Variants in SMAD2 observed in about 807,000 individuals in gnomAD.
SMAD2 encodes SMAD family member 2, also known as MAD homolog 2.
Under a neutral mutation model 64.4 loss-of-function variants are expected in SMAD2, and 8 were observed. The ratio of observed to expected loss-of-function variants is 0.12; its 90% CI spans 0.07 to 0.22. The LOEUF (loss-of-function observed/expected upper bound fraction) is 0.22, where lower values mean the gene tolerates loss of function less well. Ranked by LOEUF, SMAD2 falls within the 10% of genes least tolerant of loss-of-function variation. The pLI is 1.00. For synonymous variants in SMAD2, 203 were observed against 195.8 expected, an observed-to-expected ratio of 1.04 and a Z score of -0.31; for missense variants, 289 against 561.2, an observed-to-expected ratio of 0.51 and a Z score of 4.90.
intron 6 of SMAD2, among the ~76,000 whole-genome samples, chr18:47,863,285 G>A (rs2031322449): frequency 6.8e-6 from 1 of 147,936 alleles, no homozygotes; most frequent in African/African-American, 2.5e-5. Flanking sequence ...GGCATCTCAT[G>A]AATCACATAT....
rs182025139 is a variant in SMAD2 at position 47,917,124 on chromosome 18, G to A, written c.-54+13237C>T. The stretch of plus-strand genomic sequence containing the variant: ...CAACCTCTGCCTCCTGGGTTCAAGC[G>A]ATTCCCCTTACAGAATGTATCTTCT... On this transcript the variant is annotated intron_variant, in intron 1 of 10. Coordinates refer to ENST00000262160, the MANE Select transcript of SMAD2 (RefSeq NM_005901.6). Among the ~76,000 whole-genome samples, 156 of 152,284 alleles carry A rather than the reference G, an allele frequency of 1.0e-3. 2 individuals carry two copies. The highest frequency in any genetic ancestry group is 7.5e-3 in the East Asian group (39 of 5,178).
At position 47,816,091 on chromosome 18, in the gene SMAD2, T is replaced by TCC. The variant is rs1912355424; in HGVS notation, c.*25735_*25736insGG. On this transcript the variant is annotated 3_prime_UTR_variant, in exon 11 of 11. Transcript: ENST00000262160. Reference sequence around the variant, plus strand: ...AGACGGTAAACACATACCTCATGTCTTGGCTTCTAGAGCCCGGAGATAAGA... The same window carrying TCC: ...AGACGGTAAACACATACCTCATGTCTCCTGGCTTCTAGAGCCCGGAGATAAGA... 1 of 152,208 alleles carries TCC rather than the reference T, an allele frequency of 6.6e-6. No individual in the cohort carries two copies. The highest frequency in any genetic ancestry group is 2.4e-5 in the African/African-American group (1 of 41,430). The allele number at this position is 152,208 out of a possible 1,614,324, so 9.4% of individuals were successfully genotyped here.
chr18:47,863,476 C>T (rs970575769), intron 6 of SMAD2, among the ~76,000 whole-genome samples: 2 of 152,136 alleles, frequency 1.3e-5, no homozygotes, highest in Non-Finnish European at 2.9e-5. Flanking sequence ...ATAACGAATA[C>T]TTGTATTATT....
chr18:47,874,123 T>C (rs1043029884), intron 2 of SMAD2, among the ~76,000 whole-genome samples: 1 of 152,216 alleles, frequency 6.6e-6, no homozygotes, highest in Non-Finnish European at 1.5e-5. Context: ...CCCTAATGAT[T>C]GTTGCCTATT....
chr18:47,870,580 AAAAC>A lies in SMAD2; in HGVS notation c.237-20_237-17del, dbSNP rs1322845720. 1.3e-6 allele frequency: 2 copies of A among 1,552,696 alleles called. No homozygotes were observed. The highest frequency in any genetic ancestry group is 3.3e-5 in the Admixed American group (2 of 59,906). ...AGAGCAAGTGCTGTGCATAAATTGAAAAACAAAAAATTGATGTGAACATGGAAGC... is the reference window on the plus strand; with the variant it reads ...AGAGCAAGTGCTGTGCATAAATTGAAAAAAAATTGATGTGAACATGGAAGC... On this transcript the variant is annotated splice_polypyrimidine_tract_variant and intron_variant, in intron 2 of 10. Coordinates refer to ENST00000262160, the MANE Select transcript of SMAD2 (RefSeq NM_005901.6).
At position 47,841,809 on chromosome 18, in the gene SMAD2, G is replaced by T. The variant is rs1412949195; in HGVS notation, c.*18C>A. ...GTTGTTACATTAAGTCTTTTCATGG[G>T]ACTTGATTGGTGAAGCTTTATGACA... On this transcript the variant is annotated 3_prime_UTR_variant, in exon 11 of 11. Transcript: ENST00000262160. 1.2e-6 allele frequency: 2 copies of T among 1,613,838 alleles called. No homozygotes were observed.
intron 2 of SMAD2, among the ~76,000 whole-genome samples, chr18:47,883,180 T>C (rs1403297421): frequency 6.6e-6 from 1 of 152,268 alleles, no homozygotes; most frequent in Non-Finnish European, 1.5e-5. Flanking sequence ...AGGCACTCTT[T>C]CAGCTACATC....
intron 1 of SMAD2, among the ~76,000 whole-genome samples, chr18:47,910,154 A>G (rs1354613869): frequency 6.8e-6 from 1 of 146,388 alleles, no homozygotes; most frequent in African/African-American, 2.5e-5. Context: ...AGGAAATCAT[A>G]AGAGATTGTG....
chr18:47,924,759 G>A (rs1032659481), intron 1 of SMAD2, among the ~76,000 whole-genome samples: 2 of 152,122 alleles, frequency 1.3e-5, no homozygotes, highest in African/African-American at 4.8e-5. Context: ...CACTGCCTCC[G>A]GCCTCACCAC....
In SMAD2 at chr18:47,829,816, A is replaced by C. The variant is rs1360052492; in HGVS notation, c.*12011T>G. 1.3e-5 allele frequency: 2 copies of C among 152,252 alleles called. No homozygotes were observed. The highest frequency in any genetic ancestry group is 2.9e-5 in the Non-Finnish European group (2 of 68,040). 9.4% of individuals were successfully genotyped at this position (152,252 alleles called of 1,614,324 possible). The stretch of plus-strand genomic sequence containing the variant: ...TTACCAACAAATAATTTGTATGTTA[A>C]ATTTAAGCATCTGAATTCCGAAATG... On this transcript the variant is annotated 3_prime_UTR_variant, in exon 11 of 11. Transcript: ENST00000262160.
At position 47,839,879 on chromosome 18, in the gene SMAD2, G is replaced by A. The variant is rs1913774491; in HGVS notation, c.*1948C>T. On this transcript the variant is annotated 3_prime_UTR_variant, in exon 11 of 11. Transcript: ENST00000262160. ...TTAGCTCATGCATCCTTTCCTTAGAGGCTTTCCTTGATGTCCTACCTGAAG... is the reference window on the plus strand; with the variant it reads ...TTAGCTCATGCATCCTTTCCTTAGAAGCTTTCCTTGATGTCCTACCTGAAG... 1 of 233,118 alleles carries A rather than the reference G, an allele frequency of 4.3e-6. No individual in the cohort carries two copies. The highest frequency in any genetic ancestry group is 8.5e-6 in the Non-Finnish European group (1 of 118,024). 14.4% of individuals were successfully genotyped at this position (233,118 alleles called of 1,614,324 possible).
chr18:47,927,669 G>A (rs1598911212), intron 1 of SMAD2, among the ~76,000 whole-genome samples: 2 of 152,224 alleles, frequency 1.3e-5, no homozygotes, highest in East Asian at 3.8e-4. Context: ...GGAGGCCGAG[G>A]TGGGCGGATC....
At chr18:47,851,441 A>T in intron 6 of SMAD2, 114 bp from the exon 7 acceptor site, 1 of 649,546 alleles carries the variant, frequency 1.5e-6, no homozygotes, top group South Asian at 1.6e-5. Flanking sequence ...AGATAATTTA[A>T]ATACCAAGAA....
chr18:47,888,556 A>T (rs1361346108), intron 2 of SMAD2, among the ~76,000 whole-genome samples: 1 of 152,202 alleles, frequency 6.6e-6, no homozygotes, highest in Non-Finnish European at 1.5e-5. Flanking sequence ...ACAAGCTTTC[A>T]ATCAAAATCC....
At chr18:47,910,656 G>T (rs1483968083) in intron 1 of SMAD2, among the ~76,000 whole-genome samples, 1 of 152,188 alleles carries the variant, frequency 6.6e-6, no homozygotes, top group Non-Finnish European at 1.5e-5. Context: ...AAGACAATGA[G>T]GATGAAGACC....
At chr18:47,899,416 A>T (rs894574080) in intron 1 of SMAD2, among the ~76,000 whole-genome samples, 5 of 152,178 alleles carry the variant, frequency 3.3e-5, no homozygotes, top group Non-Finnish European at 7.4e-5. Flanking sequence ...AAATTCTAAG[A>T]AATACATATA....
chr18:47,895,958 A>G (rs1184090202), intron 2 of SMAD2, among the ~76,000 whole-genome samples: 1 of 152,212 alleles, frequency 6.6e-6, no homozygotes, highest in African/African-American at 2.4e-5. Context: ...CTTATCTGTA[A>G]ATGATTAAAT....
chr18:47,877,084 C>G (rs752296374), intron 2 of SMAD2, among the ~76,000 whole-genome samples: 3 of 151,864 alleles, frequency 2.0e-5, no homozygotes, highest in African/African-American at 4.8e-5. Flanking sequence ...TGCAGTTAGA[C>G]AACCAATAAC....
chr18:47,850,558 ATGTATAATATATAT>A (rs1915278790), intron 7 of SMAD2, among the ~76,000 whole-genome samples: 1 of 54,880 alleles, frequency 1.8e-5, no homozygotes, highest in Non-Finnish European at 2.9e-5. Flanking sequence ...AATATATATT[ATGTATAATATATAT>A]TATATATTAT....
Sources: allele counts gnomAD v4.1 joint callset (sites outside exome capture counted in the v4.1 genomes callset), GRCh38; gene constraint gnomAD v4.1.1; transcripts MANE v1.5; gene names NCBI Gene and HGNC (gene_info 2026-07-23, HGNC 2026-07-21).